Variants in PRKDC observed in about 807,000 individuals in gnomAD.
PRKDC encodes DNA-dependent protein kinase catalytic subunit.
In PRKDC, 82 loss-of-function variants were observed where a neutral mutation model predicts 486.9. That is an observed-to-expected ratio of 0.17 (90% CI 0.14 to 0.20). The LOEUF is 0.20. PRKDC is among the 10% of genes least tolerant of loss of function. The pLI is 1.00. For missense variants in PRKDC, 4,504 were observed against 5,038.2 expected, an observed-to-expected ratio of 0.89 and a Z score of 3.21; for synonymous variants, 1,895 against 1,837.0, an observed-to-expected ratio of 1.03 and a Z score of -0.81.
intron 69 of PRKDC, among the ~76,000 whole-genome samples, chr8:47,805,641 C>T (rs2087201969): frequency 6.6e-6 from 1 of 152,200 alleles, no homozygotes; most frequent in African/African-American, 2.4e-5. Flanking sequence ...ATTCTGAATA[C>T]AATTGACCCA....
intron 70 of PRKDC, among the ~76,000 whole-genome samples, chr8:47,801,220 C>T (rs1055527786): frequency 1.9e-4 from 29 of 152,194 alleles, no homozygotes; most frequent in Admixed American, 1.7e-3. Flanking sequence ...TACAGGCTTG[C>T]ACCACCATGC....
intron 56 of PRKDC, 138 bp from the exon 57 acceptor site, chr8:47,837,557 A>G (rs531768575): frequency 9.6e-6 from 6 of 627,702 alleles, no homozygotes; most frequent in South Asian, 2.1e-5. Context: ...ACCTTCAACT[A>G]TATCAAAAAT....
At chr8:47,936,215 T>A in intron 12 of PRKDC, 138 bp downstream of exon 12, 1 of 984,344 alleles carries the variant, frequency 1.0e-6, no homozygotes, top group Non-Finnish European at 1.4e-6. Flanking sequence ...ACAATAATTC[T>A]ATTGCCACAA....
At chr8:47,922,785 G>A (rs552927997) in intron 21 of PRKDC, among the ~76,000 whole-genome samples, 2 of 152,268 alleles carry the variant, frequency 1.3e-5, no homozygotes, top group East Asian at 3.9e-4. Flanking sequence ...AAGACTTATT[G>A]ATTGATTTGG....
At chr8:47,783,717 C>T in intron 78 of PRKDC, 25 bp downstream of exon 78, 1 of 1,613,068 alleles carries the variant, frequency 6.2e-7, no homozygotes, top group Non-Finnish European at 8.5e-7. Context: ...AGGACAGGGA[C>T]TGGGTCACAC....
intron 68 of PRKDC, among the ~76,000 whole-genome samples, chr8:47,810,830 A>C (rs1277784738): frequency 6.6e-6 from 1 of 152,230 alleles, no homozygotes; most frequent in Non-Finnish European, 1.5e-5. Flanking sequence ...CAAGTAAGAC[A>C]AAAGAAAATA....
At chr8:47,835,728 G>A (rs78865805) in intron 58 of PRKDC, among the ~76,000 whole-genome samples, 138 of 148,680 alleles carry the variant, frequency 9.3e-4, no homozygotes, top group African/African-American at 3.3e-3. Flanking sequence ...TTACGCTGCT[G>A]TACAACCATC....
intron 28 of PRKDC, among the ~76,000 whole-genome samples, chr8:47,899,716 C>T (rs904424774): frequency 2.0e-5 from 3 of 152,096 alleles, no homozygotes; most frequent in Admixed American, 6.6e-5. Flanking sequence ...GCTGTGTGGC[C>T]GTCTCAGTCA....
chr8:47,800,783 C>T lies in PRKDC; in HGVS notation c.10116+10G>A. On this transcript the variant is annotated intron_variant, in intron 71 of 85. Transcript: ENST00000314191. The stretch of plus-strand genomic sequence containing the variant: ...CAGCACACTAGCGTAAAACATTCCT[C>T]CAGTATTACCTTCTCTGAATCCTCT... 6.3e-7 allele frequency: 1 copy of T among 1,596,848 alleles called. No individual in the cohort carries two copies. The highest frequency in any genetic ancestry group is 1.3e-5 in the African/African-American group (1 of 74,622).
rs118001354 is a variant in PRKDC, at chr8:47,885,108, T to C, written c.4776+836A>G. 6.5e-3 allele frequency among the ~76,000 whole-genome samples: 988 copies of C among 152,344 alleles called. 3 individuals carry two copies. Among genetic ancestry groups the C allele is most frequent in the Non-Finnish European group, 9.6e-3 (656 of 68,024 alleles). ...TAGAAATTTGCAAAGCATAAGGGAA[T>C]AGAAAAAACAATCAATGTTTTAACA... On this transcript the variant is annotated intron_variant, in intron 36 of 85. Transcript: ENST00000314191.
In PRKDC at chr8:47,862,544, G is replaced by A. The variant is rs1391175847; in HGVS notation, c.5751-3C>T. 6.3e-7 allele frequency: 1 copy of A among 1,595,384 alleles called. No homozygotes were observed. Among genetic ancestry groups the A allele is most frequent in the East Asian group, 2.2e-5 (1 of 44,512 alleles). On this transcript the variant is annotated splice_region_variant and splice_polypyrimidine_tract_variant and intron_variant, in intron 42 of 85. Coordinates refer to ENST00000314191, the MANE Select transcript of PRKDC (RefSeq NM_006904.7). ...CTGTAAATGCATCGTAGCACAATCT[G>A]CAGAGAGATCCATGTGACAAATCAA... is the stretch of plus-strand genomic sequence containing the variant.
chr8:47,938,492 G>GT (rs1209054155), intron 11 of PRKDC, among the ~76,000 whole-genome samples: 3 of 151,986 alleles, frequency 2.0e-5, no homozygotes, highest in South Asian at 2.1e-4. Flanking sequence ...GAAATCAGTT[G>GT]TTTTTTCTAC....
In PRKDC at chr8:47,807,155, T is replaced by C. The variant is rs771892665; in HGVS notation, c.9729A>G (p.Ile3243Met). The C allele has an allele frequency of 3.7e-6, 6 of 1,613,812 alleles. No homozygotes were observed. The highest frequency in any genetic ancestry group is 5.1e-6 in the Non-Finnish European group (6 of 1,179,836). ...SCKFSMKMKM[I>M]DSARKQNNFS... ...TACCCACCTGCTTCCGGGCACTGTC[T>C]ATCATCTTCATTTTCATGGAAAACT... Residue 3243 changes from isoleucine to methionine, a missense_variant, in exon 69 of 86, where the codon ATA (isoleucine) becomes ATG (methionine). Ile to Met is a conservative substitution (Grantham distance 10). Around this residue, in one of 6 missense-constraint regions of PRKDC, gnomAD observed 1,592 missense variants for 1,724.6 expected, o/e 0.92. Transcript: ENST00000314191.
chr8:47,874,204 C>T (rs909073806), intron 40 of PRKDC, among the ~76,000 whole-genome samples: 1 of 151,898 alleles, frequency 6.6e-6, no homozygotes. Context: ...CCGCCTTGGC[C>T]TCCCAAAGTG....
rs535557327 is a variant in PRKDC at position 47,855,218 on chromosome 8, A to G, written c.6761+4T>C. 4 of 1,589,658 alleles carry G rather than the reference A, an allele frequency of 2.5e-6. No homozygotes were observed. In the South Asian group the frequency reaches 3.5e-5, roughly 14 times the overall value. Reference sequence around the variant, plus strand: ...AACAATACTGCAAAAACCAGTAAACATACCTATAAGGGATGGATAAACAAT... The same window carrying G: ...AACAATACTGCAAAAACCAGTAAACGTACCTATAAGGGATGGATAAACAAT... On this transcript the variant is annotated splice_donor_region_variant and intron_variant, in intron 50 of 85. Transcript: ENST00000314191.
At chr8:47,786,909 T>C (rs1216399447) in intron 76 of PRKDC, among the ~76,000 whole-genome samples, 1 of 151,746 alleles carries the variant, frequency 6.6e-6, no homozygotes, top group Non-Finnish European at 1.5e-5. Context: ...TTTGTATTTT[T>C]AGTAAAGATG....
intron 35 of PRKDC, among the ~76,000 whole-genome samples, chr8:47,887,061 A>T (rs780342133): frequency 5.3e-5 from 8 of 152,302 alleles, no homozygotes; most frequent in Non-Finnish European, 1.0e-4. Flanking sequence ...CAGAAGAAAG[A>T]AAGTTGGGAT....
rs138224263 is a variant in PRKDC, at chr8:47,887,864, T to C, written c.4414-159A>G. Among the ~76,000 whole-genome samples, 736 of 152,354 alleles carry C rather than the reference T, an allele frequency of 4.8e-3. 14 individuals are homozygous for C. The highest frequency in any genetic ancestry group is 0.017 in the African/African-American group (690 of 41,580). On this transcript the variant is annotated intron_variant, in intron 34 of 85. Coordinates refer to ENST00000314191, the MANE Select transcript of PRKDC (RefSeq NM_006904.7). ...TAATTCAACTTTGCTTTTGTTGTTC[T>C]TGCTATTGTGAGACAGGGTCTTGCT...
At position 47,933,504 on chromosome 8, in the gene PRKDC, T is replaced by A. The variant is rs8178030; in HGVS notation, c.1624-332A>T. Among the ~76,000 whole-genome samples, 584 of 152,356 alleles carry A rather than the reference T, an allele frequency of 3.8e-3. 2 individuals carry two copies. The highest frequency in any genetic ancestry group is 6.8e-3 in the Non-Finnish European group (460 of 68,034). On this transcript the variant is annotated intron_variant, in intron 15 of 85. Transcript: ENST00000314191. Reference sequence around the variant, plus strand: ...GGATGTGTATGTATAAACACAAATATGTGTAATATGCATATATAGACACTA... The same window carrying A: ...GGATGTGTATGTATAAACACAAATAAGTGTAATATGCATATATAGACACTA...
Sources: gnomAD v4.1 joint callset for allele counts (sites outside exome capture counted in the v4.1 genomes callset) on GRCh38, gnomAD v4.1.1 for gene constraint, gnomAD v4.1.1 regional missense constraint, MANE v1.5 for transcripts, NCBI Gene and HGNC (gene_info 2026-07-23, HGNC 2026-07-21) for gene names.